The following IGSF10 variants were observed in gnomAD, a reference collection of about 807,000 sequenced individuals.
The protein encoded by IGSF10 is immunoglobulin superfamily member 10.
In IGSF10, 126 loss-of-function variants were observed where a neutral mutation model predicts 128.2. The ratio of observed to expected loss-of-function variants is 0.98; its 90% CI spans 0.85 to 1.14. IGSF10 has a LOEUF of 1.14. Ranked by LOEUF, IGSF10 falls within the 50% of genes most tolerant of loss-of-function variation. The probability of loss-of-function intolerance (pLI) is 0.00; values close to 1 mark genes in which losing one functional copy is unlikely to be tolerated. For synonymous variants in IGSF10, 1,185 were observed against 1,146.2 expected, an observed-to-expected ratio of 1.03 and a Z score of -0.68; for missense variants, 3,295 against 3,149.8, an observed-to-expected ratio of 1.05 and a Z score of -1.10.
chr3:151,520,600 T>C, the IGSF10 span, among the ~76,000 whole-genome samples: 1 of 151,774 alleles, frequency 6.6e-6, no homozygotes, highest in African/African-American at 2.4e-5. Flanking sequence ...GAAAATAATC[T>C]GCAACCAAGA....
chr3:151,565,889 T>G, the IGSF10 span: 1 of 151,876 alleles, frequency 6.6e-6, no homozygotes, highest in Non-Finnish European at 1.5e-5. Flanking sequence ...AGCCAGCTTA[T>G]GGCATGACCC....
At chr3:151,462,005 C>G (rs1722079513), upstream of IGSF10, among the ~76,000 whole-genome samples, 1 of 150,112 alleles carries the variant, frequency 6.7e-6, no homozygotes, top group South Asian at 2.1e-4. Flanking sequence ...GATTTAAATA[C>G]TACTATTTCT....
Position 151,453,649 on chromosome 3 carries a change from AT to A in IGSF10, c.449del (p.Tyr150LeufsTer27). 3 of 1,614,120 alleles carry A rather than the reference AT, an allele frequency of 1.9e-6. No individual in the cohort carries two copies. The highest frequency in any genetic ancestry group is 2.5e-6 in the Non-Finnish European group (3 of 1,179,942). On this transcript the variant is annotated frameshift_variant, in exon 5 of 8. Transcript: ENST00000282466. LOFTEE classifies it high-confidence loss of function. ...GCACCAGGCGGAGAAAGTTGAGCCC[AT>A]AAAAAACCTCTGGGTTTATAAACTC... ...NIEFINPEVF[Y>X]GLNFLRLVHL... is the part of the protein sequence containing the mutation.
At chr3:151,601,922 G>T in the IGSF10 span, among the ~76,000 whole-genome samples, 10 of 152,164 alleles carry the variant, frequency 6.6e-5, no homozygotes, top group African/African-American at 2.4e-4. Context: ...TATAGAAAAG[G>T]CTACCAAATG....
Position 151,443,164 on chromosome 3 carries a change from C to A in IGSF10, c.5783G>T (p.Arg1928Ile). 1 of 1,614,242 alleles carries A rather than the reference C, an allele frequency of 6.2e-7. No individual in the cohort carries two copies. The highest frequency in any genetic ancestry group is 2.2e-5 in the East Asian group (1 of 44,890). ...CTCTTCCATTGTAAGCATTACTACT[C>A]TTCGCTCCGAACCAGTGGAACTGGT... ...IATSSTGSERRVVMLTMEERV... is the reference protein window; with the variant it reads ...IATSSTGSERIVVMLTMEERV... Residue 1928 changes from arginine to isoleucine, a missense_variant, in exon 7 of 8, where the codon AGA (arginine) becomes ATA (isoleucine). Physicochemically the swap from Arg to Ile is moderately conservative, Grantham distance 97. Coordinates refer to ENST00000282466, the MANE Select transcript of IGSF10 (RefSeq NM_178822.5).
chr3:151,525,998 G>T, the IGSF10 span, among the ~76,000 whole-genome samples: 1 of 152,150 alleles, frequency 6.6e-6, no homozygotes, highest in Non-Finnish European at 1.5e-5. Flanking sequence ...AATCTCAAAG[G>T]TCATCTCAGA....
At chr3:151,503,115 G>C in the IGSF10 span, among the ~76,000 whole-genome samples, 3 of 151,900 alleles carry the variant, frequency 2.0e-5, no homozygotes, top group Non-Finnish European at 4.4e-5. Context: ...TGAACTAAAG[G>C]GTCCCCAGGC....
the IGSF10 span, among the ~76,000 whole-genome samples, chr3:151,595,134 G>A: frequency 6.6e-6 from 1 of 152,086 alleles, no homozygotes; most frequent in African/African-American, 2.4e-5. Flanking sequence ...GCAAGGGTGT[G>A]GATAAATAGG....
chr3:151,444,154 G>A (rs944578371), intron 6 of IGSF10, among the ~76,000 whole-genome samples: 1 of 151,856 alleles, frequency 6.6e-6, no homozygotes, highest in South Asian at 2.1e-4. Flanking sequence ...GTGTGCACTT[G>A]TAGTCCCAGC....
the IGSF10 span, among the ~76,000 whole-genome samples, chr3:151,480,729 C>T: frequency 6.6e-6 from 1 of 151,832 alleles, no homozygotes; most frequent in Admixed American, 6.5e-5. Flanking sequence ...CAGAGCCAAG[C>T]TCCTGCAGAG....
At chr3:151,603,892 GA>G in the IGSF10 span, among the ~76,000 whole-genome samples, 1 of 151,384 alleles carries the variant, frequency 6.6e-6, no homozygotes, top group Non-Finnish European at 1.5e-5. Context: ...CCTCCTGGGG[GA>G]TGGTCAGCCT....
the IGSF10 span, among the ~76,000 whole-genome samples, chr3:151,494,724 CTTACTT>C: frequency 1.3e-5 from 2 of 151,984 alleles, no homozygotes; most frequent in African/African-American, 4.8e-5. Context: ...AAAAATAGGG[CTTACTT>C]TTAACTGTAA....
chr3:151,541,147 C>A, the IGSF10 span, among the ~76,000 whole-genome samples: 1 of 152,126 alleles, frequency 6.6e-6, no homozygotes, highest in Non-Finnish European at 1.5e-5. Context: ...TAATTAAGTT[C>A]ATTACATCTG....
chr3:151,435,079 T>A, downstream of IGSF10: 1 of 148,486 alleles, frequency 6.7e-6, no homozygotes, highest in African/African-American at 2.5e-5. Flanking sequence ...TTTTTTTTTT[T>A]TTTCTTTTCT....
the IGSF10 span, among the ~76,000 whole-genome samples, chr3:151,467,809 C>T: frequency 6.6e-6 from 1 of 150,758 alleles, no homozygotes; most frequent in South Asian, 2.1e-4. Flanking sequence ...GCGTGAACCC[C>T]GGGGTCAGAG....
rs1465710368 is a variant in IGSF10 at position 151,438,592 on chromosome 3, C to T, written c.5969G>A (p.Gly1990Asp). 6.2e-6 allele frequency: 10 copies of T among 1,610,894 alleles called. No individual in the cohort carries two copies. The African/African-American group carries it at 9.4e-5, about 15-fold the overall frequency. The change falls in exon 8 of 8, where the codon GGC (glycine) becomes GAC (aspartate). Residue 1990 changes from glycine (G) to aspartate (D), a missense_variant. Physicochemically the swap from Gly to Asp is moderately conservative, Grantham distance 94. Transcript: ENST00000282466. ...ATTAGGGTAGACGTGGATCCAGCTGCCCACTCTAAGGAGAAAAGAGATTCA... is the reference window on the plus strand; with the variant it reads ...ATTAGGGTAGACGTGGATCCAGCTGTCCACTCTAAGGAGAAAAGAGATTCA... ...KAVVDQQHRVGSWIHVYPNGS... is the reference protein window; with the variant it reads ...KAVVDQQHRVDSWIHVYPNGS...
At chr3:151,478,774 C>T in the IGSF10 span, among the ~76,000 whole-genome samples, 1 of 152,020 alleles carries the variant, frequency 6.6e-6, no homozygotes, top group Non-Finnish European at 1.5e-5. Flanking sequence ...AAGGCCCATC[C>T]TTAGGGACTA....
the IGSF10 span, among the ~76,000 whole-genome samples, chr3:151,573,990 G>A: frequency 2.6e-5 from 4 of 152,160 alleles, no homozygotes; most frequent in Admixed American, 2.6e-4. Context: ...CACTTATGAA[G>A]CTTAGTTTGG....
the IGSF10 span, among the ~76,000 whole-genome samples, chr3:151,557,073 C>A: frequency 6.6e-6 from 1 of 152,122 alleles, no homozygotes; most frequent in Non-Finnish European, 1.5e-5. Flanking sequence ...TTGGAAAGTT[C>A]AAACATTTCC....
Sources: gnomAD v4.1 joint callset for allele counts (sites outside exome capture counted in the v4.1 genomes callset) on GRCh38, gnomAD v4.1.1 for gene constraint, MANE v1.5 for transcripts, NCBI Gene and HGNC (gene_info 2026-07-23, HGNC 2026-07-21) for gene names.